The following COBL variants were observed in gnomAD, a reference collection of about 807,000 sequenced individuals.
The protein encoded by COBL is protein cordon-bleu.
Under a neutral mutation model 98.8 loss-of-function variants are expected in COBL, and 51 were observed. That is an observed-to-expected ratio of 0.52 (90% confidence interval 0.41 to 0.65). COBL has a LOEUF of 0.65. Among genes scored for constraint, COBL ranks in the 30% least tolerant of loss-of-function variants. The pLI is 0.00. For missense variants in COBL, 1,617 were observed against 1,617.5 expected (o/e 1.00, Z 0.01); for synonymous variants, 634 against 651.7 (o/e 0.97, Z 0.41).
intron 1 of COBL, among the ~76,000 whole-genome samples, chr7:51,233,735 C>T (rs1476590069): frequency 6.6e-6 from 1 of 152,208 alleles, no homozygotes; most frequent in Non-Finnish European, 1.5e-5. Context: ...GGGCCACGGA[C>T]TCACATGACA....
chr7:51,285,152 G>T (rs1053229477), intron 1 of COBL, among the ~76,000 whole-genome samples: 4 of 151,918 alleles, frequency 2.6e-5, no homozygotes, highest in African/African-American at 7.3e-5. Context: ...TCAACATCTT[G>T]GCCAGGCTGG....
intron 1 of COBL, among the ~76,000 whole-genome samples, chr7:51,221,844 A>C (rs559653301): frequency 3.3e-5 from 5 of 152,338 alleles, no homozygotes; most frequent in South Asian, 2.1e-4. Flanking sequence ...AAACTTACTG[A>C]CATTCATGTC....
chr7:51,213,939 C>A (rs1383311533), intron 2 of COBL, among the ~76,000 whole-genome samples: 1 of 152,044 alleles, frequency 6.6e-6, no homozygotes, highest in Non-Finnish European at 1.5e-5. Context: ...GGAATGCCTT[C>A]TATAAAGGCA....
At chr7:51,220,194 A>G (rs1432327102) in intron 1 of COBL, among the ~76,000 whole-genome samples, 2 of 152,222 alleles carry the variant, frequency 1.3e-5, no homozygotes, top group Non-Finnish European at 2.9e-5. Flanking sequence ...GAGGTACACA[A>G]GCCTGTATTC....
chr7:51,114,294 CT>C lies in COBL; in HGVS notation c.957+21863del, dbSNP rs149842989. Among the ~76,000 whole-genome samples the C allele has an allele frequency of 1.2e-3, 185 of 151,916 alleles. 3 individuals are homozygous for C. The East Asian group carries it at 0.033, about 27-fold the overall frequency. ...AAGGCAAATCAGTGTGAGGAGTCCC[CT>C]GTCTCTCTACCGTGCTGCCCCTTCC... On this transcript the variant is annotated intron_variant, in intron 6 of 12. Transcript: ENST00000265136.
At chr7:51,064,259 A>G (rs988134793) in intron 7 of COBL, 1 of 150,344 alleles carries the variant, frequency 6.7e-6, no homozygotes, top group Admixed American at 6.6e-5. Context: ...TAGGTGCAGT[A>G]TAGGATCCCA....
Position 51,028,716 on chromosome 7 carries a change from T to G in COBL, c.2380A>C (p.Thr794Pro), listed in dbSNP as rs775791846. The stretch of plus-strand genomic sequence containing the variant: ...TTCTGCGTCTGCGTGGGCACAGGGG[T>G]GGAGGGGGGTCCCCTGGCAGAGCTC... ...SESSARGPPS[T>P]PVPTQTQNPE... Residue 794 changes from threonine to proline, a missense_variant, in exon 10 of 13, where the codon ACC becomes CCC. Thr to Pro is a conservative substitution (Grantham distance 38). This residue lies in a region of COBL where 1,304 missense variants were observed against 1,282.0 expected (regional missense o/e 1.02). Transcript: ENST00000265136. 97 of 1,613,660 alleles carry G rather than the reference T, an allele frequency of 6.0e-5. No homozygotes were observed. The highest frequency in any genetic ancestry group is 7.7e-5 in the Non-Finnish European group (91 of 1,179,896).
At chr7:51,029,705 C>A (rs945468464) in intron 9 of COBL, 114 bp from the exon 10 acceptor site, 22 of 855,462 alleles carry the variant, frequency 2.6e-5, no homozygotes, top group East Asian at 2.1e-4. Flanking sequence ...TATTTATATA[C>A]GTTTTAAAAT....
Position 51,301,062 on chromosome 7 carries a change from AC to A in COBL, c.41+15530del, listed in dbSNP as rs141899737. Reference sequence around the variant, plus strand: ...CTGTTAAAATGGGAAGAGCACCCTCACCCCGCACGCTGAGATGAGGAGTGAG... The same window carrying A: ...CTGTTAAAATGGGAAGAGCACCCTCACCCGCACGCTGAGATGAGGAGTGAG... On this transcript the variant is annotated intron_variant, in intron 1 of 12. Transcript: ENST00000265136. 4.6e-4 allele frequency among the ~76,000 whole-genome samples: 70 copies of A among 151,946 alleles called. No individual in the cohort carries two copies. The East Asian group carries it at 0.013, about 28-fold the overall frequency.
At position 51,047,680 on chromosome 7, in the gene COBL, A is replaced by G. The variant is rs1455555087; in HGVS notation, c.1097-3988T>C. 2.0e-5 allele frequency among the ~76,000 whole-genome samples: 3 copies of G among 152,228 alleles called. No individual in the cohort carries two copies. The East Asian group carries it at 5.8e-4, about 29-fold the overall frequency. On this transcript the variant is annotated intron_variant, in intron 7 of 12. Coordinates refer to ENST00000265136, the MANE Select transcript of COBL (RefSeq NM_015198.5). ...GGCCCAGAGAAAATGTTTCAATGAAAGAAAAGCTACCTCGCCACCTCACAC... is the reference window on the plus strand; with the variant it reads ...GGCCCAGAGAAAATGTTTCAATGAAGGAAAAGCTACCTCGCCACCTCACAC...
chr7:51,111,051 C>A (rs1368447692), intron 6 of COBL, among the ~76,000 whole-genome samples: 1 of 152,142 alleles, frequency 6.6e-6, no homozygotes. Flanking sequence ...GGGTAGATGC[C>A]CAGTAGTGGG....
Position 51,307,412 on chromosome 7 carries a change from T to C in COBL, c.41+9181A>G, listed in dbSNP as rs145010611. ...AGAGGACAGTACTGTCCTACCAACA[T>C]CAGAGGGCCCTGATGGGAGAGCCAG... On this transcript the variant is annotated intron_variant, in intron 1 of 12. Coordinates refer to ENST00000265136, the MANE Select transcript of COBL (RefSeq NM_015198.5). Among the ~76,000 whole-genome samples, 712 of 151,914 alleles carry C rather than the reference T, an allele frequency of 4.7e-3. 5 individuals are homozygous for C. The highest frequency in any genetic ancestry group is 7.5e-3 in the Non-Finnish European group (512 of 67,864).
chr7:51,150,817 T>C (rs1785483551), intron 5 of COBL, among the ~76,000 whole-genome samples: 2 of 152,128 alleles, frequency 1.3e-5, no homozygotes, highest in African/African-American at 4.8e-5. Context: ...TACTAGATCT[T>C]GGGGAGAGTG....
chr7:51,259,487 C>G, intron 1 of COBL: 2 of 607,090 alleles, frequency 3.3e-6, no homozygotes, highest in Non-Finnish European at 6.0e-6. Flanking sequence ...AGGTGGGGCC[C>G]ATCTCCTTGA....
chr7:51,197,299 A>C (rs1453753482), intron 2 of COBL, among the ~76,000 whole-genome samples: 2 of 152,102 alleles, frequency 1.3e-5, no homozygotes, highest in African/African-American at 4.8e-5. Flanking sequence ...AGTCAGGAGC[A>C]GATTATTCAA....
intron 2 of COBL, among the ~76,000 whole-genome samples, chr7:51,201,795 A>G (rs1306742645): frequency 1.3e-5 from 2 of 152,018 alleles, no homozygotes; most frequent in African/African-American, 4.8e-5. Context: ...TTAGCAATCA[A>G]TAACAGTATT....
intron 5 of COBL, among the ~76,000 whole-genome samples, chr7:51,168,997 G>A (rs1450338337): frequency 6.6e-6 from 1 of 152,128 alleles, no homozygotes; most frequent in African/African-American, 2.4e-5. Flanking sequence ...TAAAAATCTA[G>A]TTCAGGCCAT....
intron 5 of COBL, among the ~76,000 whole-genome samples, chr7:51,150,475 C>A (rs915192400): frequency 1.3e-5 from 2 of 152,170 alleles, no homozygotes; most frequent in Non-Finnish European, 2.9e-5. Flanking sequence ...CACAGAGCTG[C>A]CGTGAATCAT....
chr7:51,235,280 G>A (rs112161094), intron 1 of COBL, among the ~76,000 whole-genome samples: 1,623 of 152,260 alleles, frequency 0.011, 24 homozygotes, highest in African/African-American at 0.036. Context: ...GAGGACGGGC[G>A]ATTCCTTGAT....
Sources: gnomAD v4.1 joint callset for allele counts (sites outside exome capture counted in the v4.1 genomes callset) on GRCh38, gnomAD v4.1.1 for gene constraint, gnomAD v4.1.1 regional missense constraint, MANE v1.5 for transcripts, NCBI Gene and HGNC (gene_info 2026-07-23, HGNC 2026-07-21) for gene names.